The following SNRNP70 variants were observed in gnomAD, a reference collection of about 807,000 sequenced individuals.
SNRNP70 encodes the protein U1 small nuclear ribonucleoprotein 70 kDa.
SNRNP70 carries 8 observed loss-of-function variants against 50.5 expected under a neutral mutation model. That is an observed-to-expected ratio of 0.16 (90% CI 0.09 to 0.29). The LOEUF (loss-of-function observed/expected upper bound fraction) is 0.29. Ranked by LOEUF, SNRNP70 falls within the 10% of genes least tolerant of loss-of-function variation. The probability of loss-of-function intolerance (pLI) is 1.00; values close to 1 mark genes in which losing one functional copy is unlikely to be tolerated. For synonymous variants in SNRNP70, 320 were observed against 252.9 expected, an observed-to-expected ratio of 1.27 and a Z score of -2.52; for missense variants, 529 against 663.5, an observed-to-expected ratio of 0.80 and a Z score of 2.23.
intron 6 of SNRNP70, among the ~76,000 whole-genome samples, chr19:49,100,749 T>C (rs1022619798): frequency 1.4e-5 from 2 of 143,008 alleles, no homozygotes. Context: ...CAGGTTGCAG[T>C]GAGCTGAGAT....
At chr19:49,085,994 T>C (rs1204402878) in intron 1 of SNRNP70, among the ~76,000 whole-genome samples, 2 of 152,190 alleles carry the variant, frequency 1.3e-5, no homozygotes, top group Non-Finnish European at 2.9e-5. Context: ...TTTCTTTGCT[T>C]GGAAACTTCC....
rs1427936162 is a variant in SNRNP70 at position 49,104,423 on chromosome 19, C to T, written c.476-211C>T. ...CTCCCCCGACCAGGAGTGGTTGGGG[C>T]GCTGAGAGGAAGCAGACGCTGAGAT... On this transcript the variant is annotated intron_variant, in intron 7 of 9. Transcript: ENST00000598441. The surrounding 1 kb of genome is among the most constrained non-coding windows in gnomAD (Gnocchi z 5.4). The T allele has an allele frequency of 2.8e-5, 15 of 538,198 alleles. No homozygotes were observed. Among genetic ancestry groups the T allele is most frequent in the Middle Eastern group, 5.6e-4 (2 of 3,568 alleles). The allele number at this position is 538,198 out of a possible 1,614,324, so 33.3% of individuals were successfully genotyped here. A position where few individuals can be genotyped will look rare whatever the true frequency, so the allele number is the denominator to read the frequency against.
chr19:49,098,665 G>A lies in SNRNP70; in HGVS notation c.354G>A (p.Lys118=), dbSNP rs756753015. ...ARVNYDTTES[K]LRREFEVYGP... is the part of the protein sequence containing the mutation. ...AGAATTATGACACAACAGAATCCAA[G>A]CTCCGGAGAGAGTTTGAGGTGTACG... The change falls in exon 6 of 10, where the codon AAG becomes AAA. Residue 118 remains lysine (K), a synonymous_variant. Transcript: ENST00000598441. 8.1e-6 allele frequency: 13 copies of A among 1,614,076 alleles called. No individual in the cohort carries two copies. In the South Asian group the frequency reaches 8.8e-5, roughly 11 times the overall value.
At chr19:49,087,690 GT>G (rs1206708419) in intron 2 of SNRNP70, 1 of 152,222 alleles carries the variant, frequency 6.6e-6, no homozygotes, top group Non-Finnish European at 1.5e-5. Context: ...ACAGTCGGAA[GT>G]TACAAGAAGA....
At chr19:49,095,163 GC>G (rs112804267) in intron 4 of SNRNP70, among the ~76,000 whole-genome samples, 11 of 152,150 alleles carry the variant, frequency 7.2e-5, no homozygotes, top group Non-Finnish European at 1.3e-4. Context: ...CACATTTGTG[GC>G]CCCCCCACCC....
At chr19:49,088,445 C>T (rs1351412569) in intron 2 of SNRNP70, among the ~76,000 whole-genome samples, 3 of 147,402 alleles carry the variant, frequency 2.0e-5, no homozygotes, top group Non-Finnish European at 3.0e-5. Flanking sequence ...GTGATCTGCC[C>T]ACTTTGGCCT....
rs924818742 is a variant in SNRNP70, at chr19:49,104,894, G to T, written c.577+159G>T. 5.9e-5 allele frequency among the ~76,000 whole-genome samples: 9 copies of T among 152,126 alleles called. No homozygotes were observed. Among genetic ancestry groups the T allele is most frequent in the African/African-American group, 2.2e-4 (9 of 41,408 alleles). On this transcript the variant is annotated intron_variant, in intron 8 of 9. Coordinates refer to ENST00000598441, the MANE Select transcript of SNRNP70 (RefSeq NM_003089.6). This position sits in a 1 kb window ranked among gnomAD's most constrained non-coding sequence, Gnocchi z 5.4. Reference sequence around the variant, plus strand: ...TCTCTCTTGTGGCCATCACATTTCTGACAGCTGCCTGCCTCCTCGTTCTGG... The same window carrying T: ...TCTCTCTTGTGGCCATCACATTTCTTACAGCTGCCTGCCTCCTCGTTCTGG...
At chr19:49,089,237 A>T (rs1038068592) in intron 2 of SNRNP70, among the ~76,000 whole-genome samples, 2 of 152,202 alleles carry the variant, frequency 1.3e-5, no homozygotes, top group African/African-American at 2.4e-5. Flanking sequence ...TGTCTCTACT[A>T]AAAATGCAAA....
chr19:49,107,742 G>A lies in SNRNP70; in HGVS notation c.665+30G>A. Reference sequence around the variant, plus strand: ...GATTGGGCGACCGGTGTCCTGGGGTGGGGGGCGGTCACGGGGGGAGCCCAG... The same window carrying A: ...GATTGGGCGACCGGTGTCCTGGGGTAGGGGGCGGTCACGGGGGGAGCCCAG... On this transcript the variant is annotated intron_variant, in intron 9 of 9. Coordinates refer to ENST00000598441, the MANE Select transcript of SNRNP70 (RefSeq NM_003089.6). This position sits in a 1 kb window ranked among gnomAD's most constrained non-coding sequence, Gnocchi z 6.0. 2 of 1,613,260 alleles carry A rather than the reference G, an allele frequency of 1.2e-6. No homozygotes were observed. Among genetic ancestry groups the A allele is most frequent in the Non-Finnish European group, 1.7e-6 (2 of 1,179,766 alleles).
chr19:49,108,182 C>G lies in SNRNP70; in HGVS notation c.1053C>G (p.Asp351Glu). 1 of 1,536,930 alleles carries G rather than the reference C, an allele frequency of 6.5e-7. No individual in the cohort carries two copies. Among genetic ancestry groups the G allele is most frequent in the Admixed American group, 2.1e-5 (1 of 48,208 alleles). ...DGPEEKGRDR[D>E]RERRRSHRSE... ...CAGAGGAAAAGGGCCGGGATCGTGA[C>G]CGGGAGCGACGGCGGAGCCACCGGA... Residue 351 changes from aspartate to glutamate, a missense_variant, in exon 10 of 10, where the codon GAC (aspartate) becomes GAG (glutamate). Coordinates refer to ENST00000598441, the MANE Select transcript of SNRNP70 (RefSeq NM_003089.6).
At chr19:49,090,880 A>T (rs775078128) in intron 4 of SNRNP70, among the ~76,000 whole-genome samples, 167 of 152,144 alleles carry the variant, frequency 1.1e-3, no homozygotes, top group Middle Eastern at 6.8e-3. Flanking sequence ...TGGGCTGAGG[A>T]TGTTCCATCC....
Position 49,107,991 on chromosome 19 carries a change from C to A in SNRNP70, c.862C>A (p.Arg288=). ...GCGGAGCAAGGACAAGGACCGGGAC[C>A]GGAAGCGGCGAAGCAGCCGGAGTCG... ...RERSKDKDRD[R]KRRSSRSRER... is the part of the protein sequence containing the mutation. The change falls in exon 10 of 10, where the codon CGG becomes AGG. Residue 288 remains arginine (R), a synonymous_variant. Transcript: ENST00000598441. The surrounding 1 kb of genome is among the most constrained non-coding windows in gnomAD (Gnocchi z 6.0). 6.5e-7 allele frequency: 1 copy of A among 1,547,736 alleles called. No homozygotes were observed. Among genetic ancestry groups the A allele is most frequent in the Non-Finnish European group, 8.7e-7 (1 of 1,146,048 alleles).
At chr19:49,090,736 C>A in intron 4 of SNRNP70, 1 of 585,564 alleles carries the variant, frequency 1.7e-6, no homozygotes, top group South Asian at 2.1e-5. Flanking sequence ...GAAGGGAGAC[C>A]CCTGGTACCT....
At chr19:49,088,790 C>G (rs911818360) in intron 2 of SNRNP70, among the ~76,000 whole-genome samples, 2 of 152,146 alleles carry the variant, frequency 1.3e-5, no homozygotes, top group African/African-American at 4.8e-5. Flanking sequence ...CCACTGCACC[C>G]TACCAGCCAG....
In SNRNP70 at chr19:49,104,235, T is replaced by C. The variant is rs1289264371; in HGVS notation, c.476-399T>C. 6 of 174,910 alleles carry C rather than the reference T, an allele frequency of 3.4e-5. No individual in the cohort carries two copies. Among genetic ancestry groups the C allele is most frequent in the Non-Finnish European group, 7.3e-5 (6 of 82,614 alleles). The allele number at this position is 174,910 out of a possible 1,614,324, so 10.8% of individuals were successfully genotyped here. ...CGGCTTGGTGTCTCAGGGTGCATGC[T>C]TGGGGTTGTGGAGGAGCCCCCTCCC... On this transcript the variant is annotated intron_variant, in intron 7 of 9. Transcript: ENST00000598441. The surrounding 1 kb of genome is among the most constrained non-coding windows in gnomAD (Gnocchi z 5.4).
At chr19:49,097,995 G>A (rs1447579531) in intron 4 of SNRNP70, among the ~76,000 whole-genome samples, 2 of 152,244 alleles carry the variant, frequency 1.3e-5, no homozygotes, top group African/African-American at 4.8e-5. Flanking sequence ...GTGTCCAGTA[G>A]GTGGCAGTGT....
chr19:49,089,655 G>GGT (rs1374873169), intron 2 of SNRNP70, among the ~76,000 whole-genome samples: 1 of 119,338 alleles, frequency 8.4e-6, no homozygotes, highest in Non-Finnish European at 1.9e-5. Context: ...TTTGAGACAG[G>GGT]ATTTTTTTTT....
At chr19:49,096,087 T>C (rs2040509462) in intron 4 of SNRNP70, among the ~76,000 whole-genome samples, 2 of 151,734 alleles carry the variant, frequency 1.3e-5, no homozygotes, top group Admixed American at 6.6e-5. Context: ...GTTTTTTTTT[T>C]CGCTTTATTG....
chr19:49,102,337 C>G, intron 7 of SNRNP70: 1 of 381,998 alleles, frequency 2.6e-6, no homozygotes, highest in Non-Finnish European at 5.3e-6. Flanking sequence ...GCCCTTTGTC[C>G]CTCCTGCCCC....
Sources: gnomAD v4.1 joint callset for allele counts (sites outside exome capture counted in the v4.1 genomes callset) on GRCh38, gnomAD v4.1.1 for gene constraint, Gnocchi (gnomAD v3.1) non-coding constraint, MANE v1.5 for transcripts, NCBI Gene and HGNC (gene_info 2026-07-23, HGNC 2026-07-21) for gene names.